The following MMRN2 variants were observed in gnomAD, a reference collection of about 807,000 sequenced individuals.
MMRN2 encodes the protein multimerin 2, also known as multimerin-2.
A neutral mutation model predicts 68.8 loss-of-function variants in MMRN2; 53 were observed. The observed-to-expected ratio is 0.77, with a 90% CI of 0.62 to 0.97. The LOEUF (loss-of-function observed/expected upper bound fraction) is 0.97, where lower values mean the gene tolerates loss of function less well. Among genes scored for constraint, MMRN2 ranks in the 50% least tolerant of loss-of-function variants. The pLI, the probability that MMRN2 is intolerant of heterozygous loss-of-function variation, is 0.00. For synonymous variants in MMRN2, 564 were observed against 551.6 expected (o/e 1.02, Z -0.32); for missense variants, 1,266 against 1,259.5 (o/e 1.01, Z -0.08).
chr10:86,945,014 G>A (rs1844044900), intron 4 of MMRN2, among the ~76,000 whole-genome samples, 174 bp downstream of exon 4: 1 of 152,242 alleles, frequency 6.6e-6, no homozygotes, highest in Non-Finnish European at 1.5e-5. Context: ...GCCGCTGGGG[G>A]CCCTGTGAGC....
chr10:86,939,675 A>C (rs7912230), intron 6 of MMRN2, among the ~76,000 whole-genome samples: 79,927 of 150,864 alleles, frequency 0.53, 21,524 homozygotes, highest in East Asian at 0.78. Flanking sequence ...AGAGACCCCC[A>C]CCCCAACCCA....
Position 86,942,629 on chromosome 10 carries a change from C to G in MMRN2, c.2155G>C (p.Ala719Pro). 1.9e-6 allele frequency: 3 copies of G among 1,602,412 alleles called. No homozygotes were observed. Among genetic ancestry groups the G allele is most frequent in the Non-Finnish European group, 2.5e-6 (3 of 1,179,270 alleles). The change falls in exon 6 of 7, where the codon GCC (alanine) becomes CCC (proline). Residue 719 changes from alanine (A) to proline (P), a missense_variant. Coordinates refer to ENST00000372027, the MANE Select transcript of MMRN2 (RefSeq NM_024756.3). ...KNVGRCCEAEAGAGAASLNAS... is the reference protein window; with the variant it reads ...KNVGRCCEAEPGAGAASLNAS... ...TTGAGGGAGGCGGCCCCGGCCCCGG[C>G]CTCGGCCTCGCAGCACCGCCCGACA...
chr10:86,948,387 C>T (rs1844099642), intron 1 of MMRN2, among the ~76,000 whole-genome samples: 1 of 151,532 alleles, frequency 6.6e-6, no homozygotes, highest in Non-Finnish European at 1.5e-5. Context: ...GACCAGGAAG[C>T]TATGAAAAAA....
chr10:86,952,198 G>A (rs927980374), intron 1 of MMRN2, among the ~76,000 whole-genome samples: 2 of 152,196 alleles, frequency 1.3e-5, no homozygotes, highest in Non-Finnish European at 2.9e-5. Flanking sequence ...GAAGGGGCCA[G>A]TGCATCTCCA....
At chr10:86,940,137 C>T (rs962137558) in intron 6 of MMRN2, among the ~76,000 whole-genome samples, 1 of 151,640 alleles carries the variant, frequency 6.6e-6, no homozygotes, top group Non-Finnish European at 1.5e-5. Flanking sequence ...CTCAGCCTCC[C>T]GAGTAGCTGG....
At chr10:86,939,827 G>GTGTGTT (rs1843940046) in intron 6 of MMRN2, among the ~76,000 whole-genome samples, 2 of 135,394 alleles carry the variant, frequency 1.5e-5, no homozygotes, top group African/African-American at 2.8e-5. Context: ...GTGTGTGTGT[G>GTGTGTT]TGTGTGTGTG....
chr10:86,941,802 A>T (rs1457362999), intron 6 of MMRN2, among the ~76,000 whole-genome samples: 1 of 129,096 alleles, frequency 7.7e-6, no homozygotes, highest in East Asian at 6.3e-4. Flanking sequence ...CCATCTTAAA[A>T]AAAAAAAAAA....
In MMRN2 at chr10:86,943,788, A is replaced by G. The variant is rs777780619; in HGVS notation, c.996T>C (p.Asp332=). The G allele has an allele frequency of 3.7e-6, 6 of 1,609,120 alleles. No individual in the cohort carries two copies. The highest frequency in any genetic ancestry group is 1.3e-5 in the African/African-American group (1 of 74,938). The part of the protein sequence containing the change: ...LHRSISELQA[D]VDTKLKRLHK... ...GCAGCCTCTTCAATTTGGTGTCCAC[A>G]TCGGCTTGGAGCTCTGAGATCGAGC... Residue 332 remains aspartate, a synonymous_variant, in exon 6 of 7, where the codon GAT becomes GAC. Coordinates refer to ENST00000372027, the MANE Select transcript of MMRN2 (RefSeq NM_024756.3). This position sits in a 1 kb window ranked among gnomAD's most constrained non-coding sequence, Gnocchi z 4.2.
At position 86,943,314 on chromosome 10, in the gene MMRN2, C is replaced by A. The variant is rs747421080; in HGVS notation, c.1470G>T (p.Lys490Asn). ...GGHADLIKYV[K>N]DCNCQKLYLD... is the part of the protein sequence containing the mutation. ...AATAGAGCTTCTGGCAATTGCAGTC[C>A]TTCACGTACTTGATGAGGTCGGCAT... is the stretch of plus-strand genomic sequence containing the variant. The change falls in exon 6 of 7, where the codon AAG (lysine) becomes AAT (asparagine). Residue 490 changes from lysine (K) to asparagine (N), a missense_variant. Physicochemically the swap from Lys to Asn is moderately conservative, Grantham distance 94 (BLOSUM62 0). Transcript: ENST00000372027. This position sits in a 1 kb window ranked among gnomAD's most constrained non-coding sequence, Gnocchi z 4.2. 1.7e-5 allele frequency: 28 copies of A among 1,613,786 alleles called. No individual in the cohort carries two copies. Among genetic ancestry groups the A allele is most frequent in the Non-Finnish European group, 2.3e-5 (27 of 1,180,008 alleles).
chr10:86,941,821 G>GAAAAAA (rs1564731145), intron 6 of MMRN2, among the ~76,000 whole-genome samples: 4 of 67,646 alleles, frequency 5.9e-5, no homozygotes, highest in African/African-American at 2.2e-4. Context: ...AAAAAGAAAA[G>GAAAAAA]AAAAAGAAAA....
intron 6 of MMRN2, 148 bp from the exon 7 acceptor site, chr10:86,937,273 A>G (rs1843894353): frequency 1.1e-6 from 1 of 878,402 alleles, no homozygotes; most frequent in Admixed American, 2.9e-5. Flanking sequence ...CAGCAGTGTT[A>G]TTGCAGGAGA....
chr10:86,955,634 C>T (rs1028439121), intron 1 of MMRN2, among the ~76,000 whole-genome samples: 3 of 152,222 alleles, frequency 2.0e-5, no homozygotes, highest in African/African-American at 7.2e-5. Context: ...TCCCATGCTG[C>T]AGGGACAGGG....
At chr10:86,946,404 G>A (rs890232838) in intron 1 of MMRN2, among the ~76,000 whole-genome samples, 1 of 152,214 alleles carries the variant, frequency 6.6e-6, no homozygotes, top group South Asian at 2.1e-4. Flanking sequence ...TCTAGAAAGG[G>A]ACTTTCAAAC....
chr10:86,947,523 C>G (rs1021572775), intron 1 of MMRN2, among the ~76,000 whole-genome samples: 2 of 152,020 alleles, frequency 1.3e-5, no homozygotes. Context: ...GTGCCCACCA[C>G]CAAGCCTGGC....
At chr10:86,945,004 G>A (rs1342643897) in intron 4 of MMRN2, among the ~76,000 whole-genome samples, 184 bp downstream of exon 4, 2 of 152,234 alleles carry the variant, frequency 1.3e-5, no homozygotes, top group African/African-American at 4.8e-5. Context: ...TGGCCAGTAG[G>A]CCGCTGGGGG....
rs753576513 is a variant in MMRN2, at chr10:86,943,514, C to G, written c.1270G>C (p.Asp424His). The G allele has an allele frequency of 3.7e-6, 6 of 1,614,228 alleles. No homozygotes were observed. The South Asian group carries it at 6.6e-5, about 18-fold the overall frequency. ...ELYSESDETF[D>H]QISKVERQVE... ...TGCCGCTCCACCTTGCTAATCTGAT[C>G]GAAAGTCTCGTCCGATTCGGAGTAC... The change falls in exon 6 of 7, where the codon GAT becomes CAT. Residue 424 changes from aspartate to histidine, a missense_variant. Physicochemically the swap from Asp to His is moderately conservative, Grantham distance 81. Transcript: ENST00000372027. The surrounding 1 kb of genome is among the most constrained non-coding windows in gnomAD (Gnocchi z 4.2).
In MMRN2 at chr10:86,936,610, C is replaced by T. The variant is rs980641003; in HGVS notation, c.*133G>A. The T allele has an allele frequency of 8.7e-7, 1 of 1,149,474 alleles. No homozygotes were observed. The highest frequency in any genetic ancestry group is 1.5e-5 in the African/African-American group (1 of 65,054). 71.2% of individuals were successfully genotyped at this position (1,149,474 alleles called of 1,614,324 possible). The stretch of plus-strand genomic sequence containing the variant: ...GTGGTTACAGGGAAGCCACGTACAC[C>T]ACACCATCTTTGCAGAAGGTTTCCA... On this transcript the variant is annotated 3_prime_UTR_variant, in exon 7 of 7. Transcript: ENST00000372027.
Position 86,944,259 on chromosome 10 carries a change from C to G in MMRN2, c.655+3G>C. 6.2e-7 allele frequency: 1 copy of G among 1,603,918 alleles called. No homozygotes were observed. The highest frequency in any genetic ancestry group is 8.5e-7 in the Non-Finnish European group (1 of 1,172,944). Reference sequence around the variant, plus strand: ...TCCTCAGCCCCTAGAGCCTGCCACTCACCGTGCCCTGTTTGATTTGCTTCC... The same window carrying G: ...TCCTCAGCCCCTAGAGCCTGCCACTGACCGTGCCCTGTTTGATTTGCTTCC... On this transcript the variant is annotated splice_donor_region_variant and intron_variant, in intron 5 of 6. Coordinates refer to ENST00000372027, the MANE Select transcript of MMRN2 (RefSeq NM_024756.3).
intron 1 of MMRN2, 122 bp from the exon 2 acceptor site, chr10:86,945,811 C>G: frequency 6.5e-7 from 1 of 1,536,084 alleles, no homozygotes; most frequent in Non-Finnish European, 8.8e-7. Context: ...AATCCATTAT[C>G]CTGAGAAGAG....
Sources: allele counts gnomAD v4.1 joint callset (sites outside exome capture counted in the v4.1 genomes callset), GRCh38; gene constraint gnomAD v4.1.1; non-coding constraint Gnocchi (gnomAD v3.1); transcripts MANE v1.5; gene names NCBI Gene and HGNC (gene_info 2026-07-23, HGNC 2026-07-21).